Variants in EXOC4 observed in about 807,000 individuals in gnomAD.
EXOC4 encodes the protein SEC8-like 1.
In EXOC4, 71 loss-of-function variants were observed where a neutral mutation model predicts 107.2. The observed-to-expected ratio is 0.66, with a 90% CI of 0.55 to 0.81. The LOEUF is 0.81. EXOC4 is among the 30% of genes least tolerant of loss of function. The probability of loss-of-function intolerance (pLI) is 0.00; values close to 1 mark genes in which losing one functional copy is unlikely to be tolerated. For missense variants in EXOC4, 1,108 were observed against 1,189.6 expected (o/e 0.93, Z 1.01); for synonymous variants, 456 against 441.2 (o/e 1.03, Z -0.42).
chr7:133,534,462 T>G (rs1800236899), intron 9 of EXOC4, among the ~76,000 whole-genome samples: 1 of 152,176 alleles, frequency 6.6e-6, no homozygotes, highest in African/African-American at 2.4e-5. Flanking sequence ...GCAGCAAATC[T>G]GAACTTGCTG....
chr7:133,930,880 C>G lies in EXOC4; in HGVS notation c.2028-7011C>G, dbSNP rs997296492. Among the ~76,000 whole-genome samples the G allele has an allele frequency of 2.0e-5, 3 of 151,930 alleles. No homozygotes were observed. In the South Asian group the frequency reaches 6.3e-4, roughly 32 times the overall value. ...TTATGCTTCAGAGTAGGTTGGAACCCCTTGTGTAATCACCTAGTATATTTC... is the reference window on the plus strand; with the variant it reads ...TTATGCTTCAGAGTAGGTTGGAACCGCTTGTGTAATCACCTAGTATATTTC... On this transcript the variant is annotated intron_variant, in intron 13 of 17. Coordinates refer to ENST00000253861, the MANE Select transcript of EXOC4 (RefSeq NM_021807.4).
chr7:133,604,725 T>C (rs1258971415), intron 9 of EXOC4, among the ~76,000 whole-genome samples: 19 of 116,810 alleles, frequency 1.6e-4, no homozygotes, highest in African/African-American at 6.4e-4. Context: ...TTTTTTTTTT[T>C]TTTTTTTTTT....
chr7:133,548,359 G>T (rs375861187), intron 9 of EXOC4, among the ~76,000 whole-genome samples: 153 of 152,234 alleles, frequency 1.0e-3, no homozygotes, highest in African/African-American at 3.5e-3. Flanking sequence ...TGGTAAATGA[G>T]CATTAGCTTC....
chr7:133,652,488 T>C (rs1803185354), intron 10 of EXOC4, among the ~76,000 whole-genome samples: 1 of 152,058 alleles, frequency 6.6e-6, no homozygotes, highest in Non-Finnish European at 1.5e-5. Flanking sequence ...AAAAGCCACT[T>C]AGCAGAGGGA....
chr7:134,088,551 G>A, the EXOC4 span, among the ~76,000 whole-genome samples: 1 of 152,226 alleles, frequency 6.6e-6, no homozygotes, highest in Admixed American at 6.5e-5. Flanking sequence ...ACTCCATGCA[G>A]TTAACTTCTC....
At chr7:133,796,943 A>G (rs1198177249) in intron 10 of EXOC4, among the ~76,000 whole-genome samples, 1 of 152,088 alleles carries the variant, frequency 6.6e-6, no homozygotes, top group African/African-American at 2.4e-5. Context: ...ATAGGAAGTA[A>G]TTGGATTGAC....
intron 15 of EXOC4, among the ~76,000 whole-genome samples, chr7:133,998,592 GA>G (rs778807177): frequency 9.2e-5 from 14 of 152,238 alleles, no homozygotes; most frequent in Non-Finnish European, 1.3e-4. Context: ...GGGGAGGACT[GA>G]AAGAATAAGG....
At chr7:133,339,440 G>A in intron 5 of EXOC4, among the ~76,000 whole-genome samples, 2 of 152,184 alleles carry the variant, frequency 1.3e-5, no homozygotes, top group South Asian at 2.1e-4. Context: ...ATCAGGTAAT[G>A]TAATGCCTCC....
At chr7:134,070,504 T>C (rs920965983), downstream of EXOC4, among the ~76,000 whole-genome samples, 1 of 152,198 alleles carries the variant, frequency 6.6e-6, no homozygotes, top group African/African-American at 2.4e-5. Context: ...CCATTGGAAC[T>C]GAGCTGGAAA....
chr7:133,846,897 G>C (rs1158148635), intron 11 of EXOC4, among the ~76,000 whole-genome samples: 1 of 152,196 alleles, frequency 6.6e-6, no homozygotes, highest in Non-Finnish European at 1.5e-5. Flanking sequence ...GGTCTCAAAT[G>C]GGTCTCATAC....
At chr7:133,296,038 C>T (rs1455399357) in intron 3 of EXOC4, among the ~76,000 whole-genome samples, 1 of 152,082 alleles carries the variant, frequency 6.6e-6, no homozygotes, top group African/African-American at 2.4e-5. Context: ...AATGAAATAG[C>T]CATTACTAAA....
chr7:133,255,073 C>G (rs1794984097), intron 1 of EXOC4, among the ~76,000 whole-genome samples: 1 of 152,012 alleles, frequency 6.6e-6, no homozygotes, highest in South Asian at 2.1e-4. Context: ...CCATCCATCT[C>G]TTATGCCAGT....
chr7:133,430,243 T>C (rs1403822862), intron 7 of EXOC4, among the ~76,000 whole-genome samples: 1 of 152,214 alleles, frequency 6.6e-6, no homozygotes, highest in South Asian at 2.1e-4. Context: ...TTCTTCTCTT[T>C]TCTCCTTCTC....
intron 10 of EXOC4, among the ~76,000 whole-genome samples, chr7:133,703,285 A>G (rs567674193): frequency 6.6e-6 from 1 of 152,266 alleles, no homozygotes. Flanking sequence ...CCACAACCAC[A>G]CCAATGTTCA....
chr7:133,263,910 G>A (rs936062593), intron 1 of EXOC4, among the ~76,000 whole-genome samples: 2 of 152,006 alleles, frequency 1.3e-5, no homozygotes, highest in Non-Finnish European at 2.9e-5. Context: ...CCTGATTTCT[G>A]CCTTTAAGAA....
chr7:133,529,589 G>A (rs1336548946), intron 9 of EXOC4, among the ~76,000 whole-genome samples: 1 of 152,142 alleles, frequency 6.6e-6, no homozygotes, highest in Non-Finnish European at 1.5e-5. Flanking sequence ...AACCCAATTA[G>A]TAAATTGTGA....
intron 14 of EXOC4, among the ~76,000 whole-genome samples, chr7:133,992,809 G>A (rs535088830): frequency 2.8e-3 from 417 of 150,754 alleles, no homozygotes; most frequent in Non-Finnish European, 3.5e-3. Context: ...AGTGGTGAAA[G>A]TGGGCATCCT....
At position 133,294,584 on chromosome 7, in the gene EXOC4, G is replaced by A. The variant is rs567197224; in HGVS notation, c.471+5468G>A. The stretch of plus-strand genomic sequence containing the variant: ...ATCCATAGCTGTATAGTCAGATAAG[G>A]GTTATTATGATAATTATAATAACAA... On this transcript the variant is annotated intron_variant, in intron 3 of 17. Transcript: ENST00000253861. 1.3e-4 allele frequency among the ~76,000 whole-genome samples: 20 copies of A among 151,784 alleles called. No individual in the cohort carries two copies. The South Asian group carries it at 3.1e-3, about 24-fold the overall frequency.
intron 14 of EXOC4, among the ~76,000 whole-genome samples, chr7:133,992,811 G>A (rs1457364184): frequency 6.6e-6 from 1 of 150,468 alleles, no homozygotes; most frequent in Non-Finnish European, 1.5e-5. Context: ...TGGTGAAAGT[G>A]GGCATCCTTA....
Sources: gnomAD v4.1 joint callset for allele counts (sites outside exome capture counted in the v4.1 genomes callset) on GRCh38, gnomAD v4.1.1 for gene constraint, MANE v1.5 for transcripts, NCBI Gene and HGNC (gene_info 2026-07-23, HGNC 2026-07-21) for gene names.